The following ATP6V1B2 variants were observed in gnomAD, a reference collection of about 807,000 sequenced individuals.
The protein encoded by ATP6V1B2 is V-type proton ATPase subunit B, brain isoform.
ATP6V1B2 carries 23 observed loss-of-function variants against 66.7 expected under a neutral mutation model. The ratio of observed to expected loss-of-function variants is 0.34; its 90% confidence interval spans 0.25 to 0.49. The LOEUF (loss-of-function observed/expected upper bound fraction) is 0.49, where lower values mean the gene tolerates loss of function less well. Ranked by LOEUF, ATP6V1B2 falls within the 20% of genes least tolerant of loss-of-function variation. The probability of loss-of-function intolerance (pLI) is 0.99; values close to 1 mark genes in which losing one functional copy is unlikely to be tolerated. For missense variants in ATP6V1B2, 478 were observed against 650.8 expected (o/e 0.73, Z 2.89); for synonymous variants, 278 against 236.7 (o/e 1.17, Z -1.60).
rs948477636 is a variant in ATP6V1B2, at chr8:20,204,562, T to C, written c.192+23T>C. 5 of 1,590,148 alleles carry C rather than the reference T, an allele frequency of 3.1e-6. No homozygotes were observed. The Admixed American group carries it at 6.8e-5, about 22-fold the overall frequency. Reference sequence around the variant, plus strand: ...AAGGTAATACCACTATCTGTTTTGGTCTATTTATGTAGTTAAAAATGTGGC... The same window carrying C: ...AAGGTAATACCACTATCTGTTTTGGCCTATTTATGTAGTTAAAAATGTGGC... On this transcript the variant is annotated intron_variant, in intron 2 of 13. Transcript: ENST00000276390.
intron 1 of ATP6V1B2, among the ~76,000 whole-genome samples, chr8:20,202,174 G>C (rs925081029): frequency 5.9e-5 from 9 of 152,078 alleles, no homozygotes; most frequent in African/African-American, 2.2e-4. Context: ...GTTTTGGGTG[G>C]TATCGCTTCA....
chr8:20,199,794 A>C (rs904898309), intron 1 of ATP6V1B2, among the ~76,000 whole-genome samples: 1 of 151,942 alleles, frequency 6.6e-6, no homozygotes, highest in Non-Finnish European at 1.5e-5. Flanking sequence ...GTATTTTAGT[A>C]GAGACGGGAT....
Position 20,210,625 on chromosome 8 carries a change from G to A in ATP6V1B2, c.442G>A (p.Glu148Lys). ...TGACAGAGGTCCTGTTGTACTGGCC[G>A]AAGACTTCCTTGATATCATGGGTAG... is the stretch of plus-strand genomic sequence containing the variant. ...PIDRGPVVLA[E>K]DFLDIMGQPI... The change falls in exon 5 of 14, where the codon GAA becomes AAA. Residue 148 changes from glutamate (E) to lysine (K), a missense_variant. By Grantham distance (56) the Glu-to-Lys change is moderately conservative (BLOSUM62 1). Around this residue, in one of 2 missense-constraint regions of ATP6V1B2, gnomAD observed 326 missense variants for 545.6 expected, o/e 0.60. Coordinates refer to ENST00000276390, the MANE Select transcript of ATP6V1B2 (RefSeq NM_001693.4). 1 of 1,613,666 alleles carries A rather than the reference G, an allele frequency of 6.2e-7. No individual in the cohort carries two copies. Among genetic ancestry groups the A allele is most frequent in the Non-Finnish European group, 8.5e-7 (1 of 1,179,690 alleles).
In ATP6V1B2 at chr8:20,212,182, C is replaced by G; in HGVS notation, c.786C>G (p.Asn262Lys). 1.2e-6 allele frequency: 2 copies of G among 1,613,548 alleles called. No individual in the cohort carries two copies. Among genetic ancestry groups the G allele is most frequent in the Non-Finnish European group, 1.7e-6 (2 of 1,179,700 alleles). ...TGGACAATGTCTGCCTCTTTTTGAA[C>G]TTGGCTAATGACCCAACGTAAGTAA... is the stretch of plus-strand genomic sequence containing the variant. ...GSMDNVCLFL[N>K]LANDPTIERI... The change falls in exon 8 of 14, where the codon AAC becomes AAG. Residue 262 changes from asparagine to lysine, a missense_variant. By Grantham distance (94) the Asn-to-Lys change is moderately conservative (BLOSUM62 0). Coordinates refer to ENST00000276390, the MANE Select transcript of ATP6V1B2 (RefSeq NM_001693.4).
chr8:20,200,133 TC>T (rs1475499209), intron 1 of ATP6V1B2, among the ~76,000 whole-genome samples: 1 of 151,968 alleles, frequency 6.6e-6, no homozygotes, highest in Non-Finnish European at 1.5e-5. Context: ...CTCTCAAGTA[TC>T]TGGGACTACA....
chr8:20,218,152 G>T lies in ATP6V1B2; in HGVS notation c.1267-1G>T. 1 of 1,612,436 alleles carries T rather than the reference G, an allele frequency of 6.2e-7. No individual in the cohort carries two copies. ...CTGATGGGTGCCTTTCTTCTCTTTA[G>T]TATGCGTGCTATGCTATTGGAAAGG... On this transcript the variant is annotated splice_acceptor_variant, in intron 12 of 13. Coordinates refer to ENST00000276390, the MANE Select transcript of ATP6V1B2 (RefSeq NM_001693.4). LOFTEE classifies it high-confidence loss of function.
At chr8:20,210,240 C>T in intron 3 of ATP6V1B2, 106 bp from the exon 4 acceptor site, 1 of 826,206 alleles carries the variant, frequency 1.2e-6, no homozygotes, top group Non-Finnish European at 1.9e-6. Context: ...AAGTAGTATA[C>T]ATTCATGGGT....
intron 13 of ATP6V1B2, among the ~76,000 whole-genome samples, chr8:20,219,341 G>A (rs1313722974): frequency 1.3e-5 from 2 of 152,048 alleles, no homozygotes; most frequent in Admixed American, 6.5e-5. Flanking sequence ...TTGACTCTTT[G>A]TGTGCCATTG....
chr8:20,215,615 A>G (rs1234496475), intron 10 of ATP6V1B2: 1 of 152,160 alleles, frequency 6.6e-6, no homozygotes, highest in African/African-American at 2.4e-5. Flanking sequence ...TCCTCATAGC[A>G]ACTTTGAGGC....
Position 20,209,444 on chromosome 8 carries a change from T to C in ATP6V1B2, c.204T>C (p.Tyr68=), listed in dbSNP as rs1269817954. 6.2e-6 allele frequency: 10 copies of C among 1,613,824 alleles called. No homozygotes were observed. Among genetic ancestry groups the C allele is most frequent in the African/African-American group, 1.3e-5 (1 of 74,906 alleles). The change falls in exon 3 of 14, where the codon TAT becomes TAC. Residue 68 remains tyrosine (Y), a synonymous_variant. Transcript: ENST00000276390. ...VILDHVKFPR[Y]AEIVHLTLPD... is the part of the protein sequence containing the mutation. ...TTTTTTCTCTTTAGTTTCCCAGGTA[T>C]GCTGAAATTGTCCATTTGACCTTAC...
rs761273124 is a variant in ATP6V1B2, at chr8:20,220,249, C to A, written c.1397-14C>A. The A allele has an allele frequency of 6.2e-7, 1 of 1,602,500 alleles. No homozygotes were observed. Among genetic ancestry groups the A allele is most frequent in the Admixed American group, 1.8e-5 (1 of 56,708 alleles). On this transcript the variant is annotated splice_polypyrimidine_tract_variant and intron_variant, in intron 13 of 13. Transcript: ENST00000276390. ...AGTCATTTGCATTTATTAATTCAAT[C>A]TCAATTTTTTAAGGTCCTTACGAAA...
intron 1 of ATP6V1B2, among the ~76,000 whole-genome samples, chr8:20,201,237 C>G (rs1247596662): frequency 6.6e-6 from 1 of 152,176 alleles, no homozygotes; most frequent in Non-Finnish European, 1.5e-5. Flanking sequence ...CCTACGGGCT[C>G]AAATTCTTTT....
chr8:20,220,680 A>C lies in ATP6V1B2; in HGVS notation c.*278A>C, dbSNP rs2072898695. The C allele has an allele frequency of 3.4e-6, 1 of 291,948 alleles. No homozygotes were observed. The highest frequency in any genetic ancestry group is 5.4e-5 in the Admixed American group (1 of 18,548). The allele number at this position is 291,948 out of a possible 1,614,324, so 18.1% of individuals were successfully genotyped here. A position where few individuals can be genotyped will look rare whatever the true frequency, so the allele number is the denominator to read the frequency against. ...CTGTATGTATTGTACATAGTGGAGT[A>C]GTTAGTTACCTGATAACAGTCTTGT... On this transcript the variant is annotated 3_prime_UTR_variant, in exon 14 of 14. Transcript: ENST00000276390.
rs369750328 is a variant in ATP6V1B2 at position 20,209,675 on chromosome 8, T to C, written c.291+144T>C. On this transcript the variant is annotated intron_variant, in intron 3 of 13. Coordinates refer to ENST00000276390, the MANE Select transcript of ATP6V1B2 (RefSeq NM_001693.4). ...CCGGCTGCAGGGAAAGAAACTATTA[T>C]TGCATGTTTTTTTGCTCAGTGTCAC... The C allele has an allele frequency of 1.9e-4, 143 of 766,694 alleles. No homozygotes were observed. In the African/African-American group the frequency reaches 2.0e-3, roughly 11 times the overall value. The allele number at this position is 766,694 out of a possible 1,614,324, so 47.5% of individuals were successfully genotyped here. A position where few individuals can be genotyped will look rare whatever the true frequency, so the allele number is the denominator to read the frequency against.
At chr8:20,211,546 C>A (rs2072793300) in intron 6 of ATP6V1B2, 106 bp from the exon 7 acceptor site, 3 of 1,329,922 alleles carry the variant, frequency 2.3e-6, no homozygotes, top group African/African-American at 3.0e-5. Context: ...CTAAAACATC[C>A]TGGTTTCGTT....
chr8:20,197,413 CTGCGGGCGA>C lies in ATP6V1B2; in HGVS notation c.14_22del (p.Ala5_Arg7del), dbSNP rs2072638178. 4 of 1,542,744 alleles carry C rather than the reference CTGCGGGCGA, an allele frequency of 2.6e-6. No individual in the cohort carries two copies. The highest frequency in any genetic ancestry group is 3.5e-6 in the Non-Finnish European group (4 of 1,145,950). Reference sequence around the variant, plus strand: ...TCGGGACAGAGGAGACAAGATGGCGCTGCGGGCGATGCGGGGGATTGTCAACGGGGCCGC... The same window carrying C: ...TCGGGACAGAGGAGACAAGATGGCGCTGCGGGGGATTGTCAACGGGGCCGC... On this transcript the variant is annotated inframe_deletion, in exon 1 of 14. Coordinates refer to ENST00000276390, the MANE Select transcript of ATP6V1B2 (RefSeq NM_001693.4).
chr8:20,201,220 T>C lies in ATP6V1B2; in HGVS notation c.137-3264T>C, dbSNP rs376879327. Among the ~76,000 whole-genome samples, 24 of 152,338 alleles carry C rather than the reference T, an allele frequency of 1.6e-4. 1 individual carries two copies. The East Asian group carries it at 3.1e-3, about 20-fold the overall frequency. On this transcript the variant is annotated intron_variant, in intron 1 of 13. Coordinates refer to ENST00000276390, the MANE Select transcript of ATP6V1B2 (RefSeq NM_001693.4). ...GTCAGAAGTTCTGATTATCCCCCAT[T>C]CACACACCTACGGGCTCAAATTCTT...
chr8:20,212,667 A>G, intron 8 of ATP6V1B2, 115 bp from the exon 9 acceptor site: 1 of 1,419,886 alleles, frequency 7.0e-7, no homozygotes, highest in Non-Finnish European at 9.6e-7. Context: ...ACTCTCCTCA[A>G]TTCATTTAAA....
In ATP6V1B2 at chr8:20,213,805, CTT is replaced by C. The variant is rs2072820879; in HGVS notation, c.927+901_927+902del. The C allele has an allele frequency of 5.3e-5, 8 of 152,272 alleles. No homozygotes were observed. The South Asian group carries it at 1.7e-3, about 32-fold the overall frequency. 9.4% of individuals were successfully genotyped at this position (152,272 alleles called of 1,614,324 possible). On this transcript the variant is annotated intron_variant, in intron 9 of 13. Transcript: ENST00000276390. Reference sequence around the variant, plus strand: ...AATTCCTTCAGTGCCCTCACCATATCTTACTCTGCTATATTGCTGTTTCAGAC... The same window carrying C: ...AATTCCTTCAGTGCCCTCACCATATCACTCTGCTATATTGCTGTTTCAGAC...
Sources: gnomAD v4.1 joint callset for allele counts (sites outside exome capture counted in the v4.1 genomes callset) on GRCh38, gnomAD v4.1.1 for gene constraint, gnomAD v4.1.1 regional missense constraint, MANE v1.5 for transcripts, NCBI Gene and HGNC (gene_info 2026-07-23, HGNC 2026-07-21) for gene names.